The following CRPPA variants were observed in gnomAD, a reference collection of about 807,000 sequenced individuals.
The protein encoded by CRPPA is CDP-L-ribitol pyrophosphorylase A.
Under a neutral mutation model 52.0 loss-of-function variants are expected in CRPPA, and 43 were observed. The observed-to-expected ratio is 0.83, with a 90% CI of 0.65 to 1.07. CRPPA has a LOEUF of 1.07. Among genes scored for constraint, CRPPA ranks in the 50% least tolerant of loss-of-function variants. CRPPA has a pLI of 0.00. For missense variants in CRPPA, 629 were observed against 551.7 expected (o/e 1.14, Z -1.40); for synonymous variants, 250 against 203.5 (o/e 1.23, Z -1.94).
chr7:16,398,400 G>C (rs1450448004), intron 2 of CRPPA, among the ~76,000 whole-genome samples: 2 of 152,146 alleles, frequency 1.3e-5, no homozygotes, highest in Non-Finnish European at 2.9e-5. Flanking sequence ...ACTGACACGT[G>C]ACCAACATAA....
chr7:16,127,889 T>G (rs916272358), intron 9 of CRPPA, among the ~76,000 whole-genome samples: 2 of 152,218 alleles, frequency 1.3e-5, no homozygotes, highest in African/African-American at 4.8e-5. Context: ...TTTTGTTGAC[T>G]GATTAAACGT....
chr7:16,368,177 A>G (rs1012533938), intron 3 of CRPPA, among the ~76,000 whole-genome samples: 13 of 152,358 alleles, frequency 8.5e-5, no homozygotes, highest in Middle Eastern at 3.4e-3. Flanking sequence ...AATTGCACAG[A>G]AAAGAATTTC....
chr7:16,194,648 TG>T (rs1353471940), intron 9 of CRPPA, among the ~76,000 whole-genome samples: 2 of 152,196 alleles, frequency 1.3e-5, no homozygotes, highest in South Asian at 4.1e-4. Flanking sequence ...ATTGCTTTAA[TG>T]GTAAGATTTT....
chr7:16,091,700 C>A lies in CRPPA; in HGVS notation c.1351G>T (p.Ala451Ser), dbSNP rs955524697. 20 of 1,530,276 alleles carry A rather than the reference C, an allele frequency of 1.3e-5. No individual in the cohort carries two copies. Among genetic ancestry groups the A allele is most frequent in the Admixed American group, 2.0e-5 (1 of 48,802 alleles). 94.8% of individuals were successfully genotyped at this position (1,530,276 alleles called of 1,614,324 possible). Reference sequence around the variant, plus strand: ...TAGGTAATTTTTTGTGTTCTTCATGCTATCAGAAGCTGACCAATGAGTCCA... The same window carrying A: ...TAGGTAATTTTTTGTGTTCTTCATGATATCAGAAGCTGACCAATGAGTCCA... The part of the protein sequence containing the change: ...NSGLIGQLLI[A>S] The change falls in exon 10 of 10, where the codon GCA becomes TCA. Residue 451 changes from alanine (A) to serine (S), a missense_variant. Physicochemically the swap from Ala to Ser is moderately conservative, Grantham distance 99. Coordinates refer to ENST00000407010, the MANE Select transcript of CRPPA (RefSeq NM_001101426.4).
At chr7:16,235,070 T>C (rs1342675362) in intron 8 of CRPPA, among the ~76,000 whole-genome samples, 1 of 152,070 alleles carries the variant, frequency 6.6e-6, no homozygotes, top group African/African-American at 2.4e-5. Flanking sequence ...ATCTGAGTTT[T>C]GTCCATTAAG....
At chr7:16,212,382 G>T (rs1431564785) in intron 9 of CRPPA, among the ~76,000 whole-genome samples, 3 of 152,138 alleles carry the variant, frequency 2.0e-5, no homozygotes, top group Non-Finnish European at 1.5e-5. Flanking sequence ...GGGCTAAAAC[G>T]ATACACACTC....
intron 5 of CRPPA, among the ~76,000 whole-genome samples, chr7:16,300,430 A>G (rs888690824): frequency 1.3e-5 from 2 of 152,246 alleles, no homozygotes; most frequent in Non-Finnish European, 2.9e-5. Flanking sequence ...CAAAGAAATC[A>G]GTTACTAACA....
intron 8 of CRPPA, among the ~76,000 whole-genome samples, chr7:16,252,717 T>A (rs572925288): frequency 6.6e-6 from 1 of 152,200 alleles, no homozygotes; most frequent in Non-Finnish European, 1.5e-5. Flanking sequence ...AGAATTCGGC[T>A]GTGAATCGGT....
intron 1 of CRPPA, 31 bp downstream of exon 1, chr7:16,421,035 G>A (rs1788320184): frequency 7.9e-7 from 1 of 1,264,432 alleles, no homozygotes; most frequent in Non-Finnish European, 1.0e-6. Context: ...GGGCCCCAGG[G>A]AACCGCGGGG....
At position 16,218,969 on chromosome 7, in the gene CRPPA, C is replaced by G. The variant is rs570564619; in HGVS notation, c.1120-2772G>C. Among the ~76,000 whole-genome samples the G allele has an allele frequency of 2.9e-3, 448 of 152,262 alleles. 3 individuals are homozygous for G. The highest frequency in any genetic ancestry group is 0.01 in the African/African-American group (429 of 41,542). ...AATAGACATCTATAGAACTCTCCAC[C>G]CCAAATCAACAGAATATACATTTTT... On this transcript the variant is annotated intron_variant, in intron 8 of 9. Coordinates refer to ENST00000407010, the MANE Select transcript of CRPPA (RefSeq NM_001101426.4).
rs781097746 is a variant in CRPPA, at chr7:16,308,606, ATT to A, written c.704_705del (p.Glu235ValfsTer4). On this transcript the variant is annotated frameshift_variant, in exon 4 of 10. Coordinates refer to ENST00000407010, the MANE Select transcript of CRPPA (RefSeq NM_001101426.4). LOFTEE classifies it high-confidence loss of function. ...GCCAATTGCAAACACTCAGTTCCAA[ATT>A]CCAAGTCATAGTCACTACACTGGTG... ...AYQQCSDYDL[E>X]FGTECLQLAL... 3.1e-6 allele frequency: 5 copies of A among 1,607,354 alleles called. No homozygotes were observed. The highest frequency in any genetic ancestry group is 3.4e-6 in the Non-Finnish European group (4 of 1,175,420).
chr7:16,372,064 A>G (rs1486256350), intron 3 of CRPPA, among the ~76,000 whole-genome samples: 2 of 152,162 alleles, frequency 1.3e-5, no homozygotes, highest in Non-Finnish European at 2.9e-5. Context: ...TGGATTACCA[A>G]CCTAAGAATA....
intron 2 of CRPPA, among the ~76,000 whole-genome samples, chr7:16,378,828 C>T (rs1322739271): frequency 9.9e-5 from 15 of 152,074 alleles, no homozygotes; most frequent in Non-Finnish European, 2.2e-4. Flanking sequence ...TGGTATCTCA[C>T]TGTGGTTTTG....
chr7:16,105,366 C>G (rs1183504433), intron 9 of CRPPA, among the ~76,000 whole-genome samples: 1 of 152,196 alleles, frequency 6.6e-6, no homozygotes, highest in Non-Finnish European at 1.5e-5. Flanking sequence ...TGGCACAATG[C>G]CAGATGAAAA....
chr7:16,238,938 G>A (rs1783023935), intron 8 of CRPPA, among the ~76,000 whole-genome samples: 1 of 152,004 alleles, frequency 6.6e-6, no homozygotes, highest in African/African-American at 2.4e-5. Flanking sequence ...AGGAGTTCGA[G>A]ACCAGCCTGG....
chr7:16,398,234 GACACGTGACCA>G (rs1787670095), intron 2 of CRPPA, among the ~76,000 whole-genome samples: 2 of 43,522 alleles, frequency 4.6e-5, no homozygotes, highest in South Asian at 1.0e-3. Flanking sequence ...TAACGTGACT[GACACGTGACCA>G]ACACGTGACT....
rs1781777030 is a variant in CRPPA, at chr7:16,089,415, A to G, written c.*2280T>C. 1 of 350,096 alleles carries G rather than the reference A, an allele frequency of 2.9e-6. No homozygotes were observed. The highest frequency in any genetic ancestry group is 2.1e-5 in the African/African-American group (1 of 48,044). 21.7% of individuals were successfully genotyped at this position (350,096 alleles called of 1,614,324 possible). On this transcript the variant is annotated 3_prime_UTR_variant, in exon 10 of 10. Transcript: ENST00000407010. Reference sequence around the variant, plus strand: ...GTATGTACATAATGTGTATATATGTACGTACATACATATATGTGTATATAT... The same window carrying G: ...GTATGTACATAATGTGTATATATGTGCGTACATACATATATGTGTATATAT...
chr7:16,293,433 C>G (rs1296934373), intron 5 of CRPPA, among the ~76,000 whole-genome samples: 3 of 151,930 alleles, frequency 2.0e-5, no homozygotes, highest in Non-Finnish European at 1.5e-5. Flanking sequence ...CTCTGTCTCA[C>G]ATGAAAGAAT....
At chr7:16,213,399 T>G (rs2128397190) in intron 9 of CRPPA, among the ~76,000 whole-genome samples, 1 of 128,886 alleles carries the variant, frequency 7.8e-6, no homozygotes, top group South Asian at 3.2e-4. Context: ...CCATATCCTG[T>G]TTTGGGGACT....
Sources: allele counts gnomAD v4.1 joint callset (sites outside exome capture counted in the v4.1 genomes callset), GRCh38; gene constraint gnomAD v4.1.1; transcripts MANE v1.5; gene names NCBI Gene and HGNC (gene_info 2026-07-23, HGNC 2026-07-21).